The following AGBL4 variants were observed in gnomAD, a reference collection of about 807,000 sequenced individuals.
AGBL4 encodes cytosolic carboxypeptidase 6.
A neutral mutation model predicts 66.4 loss-of-function variants in AGBL4; 58 were observed. That is an observed-to-expected ratio of 0.87 (90% CI 0.71 to 1.09). The LOEUF (loss-of-function observed/expected upper bound fraction) is 1.09. AGBL4 is among the 50% of genes least tolerant of loss of function. The probability of loss-of-function intolerance (pLI) is 0.00; values close to 1 mark genes in which losing one functional copy is unlikely to be tolerated. For synonymous variants in AGBL4, 234 were observed against 222.9 expected (o/e 1.05, Z -0.44); for missense variants, 579 against 631.0 (o/e 0.92, Z 0.88).
At position 49,709,738 on chromosome 1, in the gene AGBL4, A is replaced by T. The variant is rs373546456; in HGVS notation, c.158-12301T>A. 5.8e-3 allele frequency among the ~76,000 whole-genome samples: 881 copies of T among 152,316 alleles called. 4 individuals are homozygous for T. Among genetic ancestry groups the T allele is most frequent in the Middle Eastern group, 0.02 (6 of 294 alleles). On this transcript the variant is annotated intron_variant, in intron 2 of 13. Coordinates refer to ENST00000371839, the MANE Select transcript of AGBL4 (RefSeq NM_032785.4). ...CAGAATCTACAAGGAACTTAAACAA[A>T]TTTACAAGAAAAAAACAAAGAACCC...
At chr1:49,493,042 G>A (rs753411442) in intron 3 of AGBL4, among the ~76,000 whole-genome samples, 61 of 151,834 alleles carry the variant, frequency 4.0e-4, no homozygotes, top group Non-Finnish European at 8.5e-4. Flanking sequence ...AACACCATCC[G>A]ATCTCATGAG....
At chr1:49,698,329 A>C (rs1185419321) in intron 2 of AGBL4, among the ~76,000 whole-genome samples, 2 of 152,148 alleles carry the variant, frequency 1.3e-5, no homozygotes, top group East Asian at 3.8e-4. Context: ...TACGAACACT[A>C]GTTGAAATTA....
chr1:48,535,364 C>G (rs1041316062), intron 12 of AGBL4, among the ~76,000 whole-genome samples: 1 of 152,112 alleles, frequency 6.6e-6, no homozygotes, highest in Non-Finnish European at 1.5e-5. Context: ...CATCCCCAGG[C>G]CTTTGTAGCA....
At chr1:49,660,901 T>A (rs867797656) in intron 3 of AGBL4, among the ~76,000 whole-genome samples, 12 of 150,276 alleles carry the variant, frequency 8.0e-5, no homozygotes, top group African/African-American at 2.9e-4. Context: ...AGCTGAACAA[T>A]GGGAACACAT....
At chr1:49,960,927 C>A (rs1473375256) in intron 1 of AGBL4, among the ~76,000 whole-genome samples, 1 of 151,778 alleles carries the variant, frequency 6.6e-6, no homozygotes, top group African/African-American at 2.4e-5. Context: ...TTGTGAGCCA[C>A]GTGAATATCT....
intron 4 of AGBL4, among the ~76,000 whole-genome samples, chr1:49,145,262 A>G (rs1646195950): frequency 6.6e-6 from 1 of 152,066 alleles, no homozygotes; most frequent in Non-Finnish European, 1.5e-5. Context: ...ACCTAACCCT[A>G]TCCCATGGCT....
intron 2 of AGBL4, among the ~76,000 whole-genome samples, chr1:49,817,098 T>C (rs1333940460): frequency 6.6e-6 from 1 of 152,172 alleles, no homozygotes; most frequent in Non-Finnish European, 1.5e-5. Context: ...TGGTTTACAG[T>C]TGACCAGACC....
At chr1:49,793,020 A>G (rs1644640503) in intron 2 of AGBL4, among the ~76,000 whole-genome samples, 1 of 152,042 alleles carries the variant, frequency 6.6e-6, no homozygotes, top group African/African-American at 2.4e-5. Flanking sequence ...ACACAAAATC[A>G]TTATTTGTTG....
At chr1:49,156,846 G>A (rs767486881) in intron 4 of AGBL4, among the ~76,000 whole-genome samples, 6 of 152,090 alleles carry the variant, frequency 3.9e-5, no homozygotes, top group Non-Finnish European at 8.8e-5. Context: ...ATCACTGGGA[G>A]CCATCTTGAA....
intron 1 of AGBL4, among the ~76,000 whole-genome samples, chr1:49,912,730 A>T (rs1357442399): frequency 3.3e-5 from 5 of 152,198 alleles, no homozygotes; most frequent in Non-Finnish European, 5.9e-5. Flanking sequence ...CAGACTAGGT[A>T]GTTTATAAGA....
intron 5 of AGBL4, among the ~76,000 whole-genome samples, chr1:48,931,174 A>T (rs1655007689): frequency 6.6e-6 from 1 of 152,216 alleles, no homozygotes. Context: ...ATATATGGTG[A>T]ACTAAAAATG....
At chr1:49,729,813 A>T (rs1265192433) in intron 2 of AGBL4, among the ~76,000 whole-genome samples, 1 of 152,188 alleles carries the variant, frequency 6.6e-6, no homozygotes, top group African/African-American at 2.4e-5. Context: ...ATATATTGAT[A>T]GCAGCAAGAG....
chr1:48,987,789 A>G (rs1362322458), intron 5 of AGBL4, among the ~76,000 whole-genome samples: 2 of 152,146 alleles, frequency 1.3e-5, no homozygotes, highest in Non-Finnish European at 2.9e-5. Context: ...GAAAAACCTG[A>G]TGGAATCTAC....
chr1:49,441,902 G>A (rs1365234015), intron 3 of AGBL4, among the ~76,000 whole-genome samples: 1 of 152,166 alleles, frequency 6.6e-6, no homozygotes. Flanking sequence ...GGCAGGGATG[G>A]AGGTTACGCA....
At chr1:49,973,125 C>T (rs1169295936) in intron 1 of AGBL4, among the ~76,000 whole-genome samples, 1 of 152,106 alleles carries the variant, frequency 6.6e-6, no homozygotes, top group Non-Finnish European at 1.5e-5. Flanking sequence ...GACAGGTGCC[C>T]TTTGAGTGGA....
intron 3 of AGBL4, among the ~76,000 whole-genome samples, chr1:49,671,678 T>G (rs1444929746): frequency 4.6e-5 from 7 of 152,056 alleles, no homozygotes; most frequent in Non-Finnish European, 1.0e-4. Flanking sequence ...GGCAAGGACA[T>G]GAACAGACAC....
At chr1:49,106,376 T>C (rs972010275) in intron 4 of AGBL4, among the ~76,000 whole-genome samples, 2 of 152,224 alleles carry the variant, frequency 1.3e-5, no homozygotes, top group African/African-American at 4.8e-5. Flanking sequence ...CAGGGCCAAC[T>C]TCTGAGTATG....
chr1:49,613,893 GGGA>G (rs1645201867), intron 3 of AGBL4, among the ~76,000 whole-genome samples: 1 of 152,062 alleles, frequency 6.6e-6, no homozygotes, highest in African/African-American at 2.4e-5. Context: ...AAAAAGCTTG[GGGA>G]TTGCTGTCCT....
intron 3 of AGBL4, among the ~76,000 whole-genome samples, chr1:49,412,130 A>G (rs1645328738): frequency 6.6e-6 from 1 of 152,144 alleles, no homozygotes; most frequent in Non-Finnish European, 1.5e-5. Flanking sequence ...AATAAAATGA[A>G]TGCTTCTTAG....
Sources: gnomAD v4.1 joint callset for allele counts (sites outside exome capture counted in the v4.1 genomes callset) on GRCh38, gnomAD v4.1.1 for gene constraint, MANE v1.5 for transcripts, NCBI Gene and HGNC (gene_info 2026-07-23, HGNC 2026-07-21) for gene names.